SRGAP3: variants seen among roughly 807,000 people sequenced by gnomAD.
The protein encoded by SRGAP3 is SLIT-ROBO Rho GTPase activating protein 3, also known as SLIT-ROBO Rho GTPase-activating protein 3.
SRGAP3 carries 39 observed loss-of-function variants against 121.1 expected under a neutral mutation model. The ratio of observed to expected loss-of-function variants is 0.32; its 90% CI spans 0.25 to 0.42. The LOEUF is 0.42. Ranked by LOEUF, SRGAP3 falls within the 10% of genes least tolerant of loss-of-function variation. The pLI is 1.00. For synonymous variants in SRGAP3, 601 were observed against 570.0 expected, an observed-to-expected ratio of 1.05 and a Z score of -0.77; for missense variants, 1,213 against 1,470.6, an observed-to-expected ratio of 0.82 and a Z score of 2.86.
chr3:9,320,554 G>A (rs1955423068), intron 3 of SRGAP3, among the ~76,000 whole-genome samples: 1 of 151,920 alleles, frequency 6.6e-6, no homozygotes, highest in South Asian at 2.1e-4. Flanking sequence ...TTTCCGCCAT[G>A]ATTGGAAGCT....
chr3:8,988,593 G>C (rs1052756590), intron 21 of SRGAP3, among the ~76,000 whole-genome samples: 19 of 152,152 alleles, frequency 1.2e-4, no homozygotes. Flanking sequence ...AACGCTCCAT[G>C]AATAAAGGTC....
chr3:9,250,011 A>C (rs1169354743), upstream of SRGAP3, among the ~76,000 whole-genome samples: 2 of 152,266 alleles, frequency 1.3e-5, no homozygotes, highest in East Asian at 3.9e-4. Context: ...TGTAGGGAAA[A>C]GCATCAATAT....
chr3:9,051,832 C>G (rs548103718), intron 9 of SRGAP3, among the ~76,000 whole-genome samples: 10 of 151,558 alleles, frequency 6.6e-5, no homozygotes, highest in African/African-American at 2.4e-4. Flanking sequence ...CCTGCCTCAG[C>G]CTCCCAAGTA....
In SRGAP3 at chr3:8,985,285, GGAGCTCCAGCACTCCTCTGGTC is replaced by G; in HGVS notation, c.*212_*233del. 1.2e-6 allele frequency: 1 copy of G among 855,410 alleles called. No homozygotes were observed. Among genetic ancestry groups the G allele is most frequent in the Non-Finnish European group, 1.7e-6 (1 of 587,036 alleles). 53.0% of individuals were successfully genotyped at this position (855,410 alleles called of 1,614,324 possible). On this transcript the variant is annotated 3_prime_UTR_variant, in exon 22 of 22. Coordinates refer to ENST00000383836, the MANE Select transcript of SRGAP3 (RefSeq NM_014850.4). The surrounding 1 kb of genome is among the most constrained non-coding windows in gnomAD (Gnocchi z 5.1). The stretch of plus-strand genomic sequence containing the variant: ...AGGGAATGCTGTGGTTGGGGCTGCT[GGAGCTCCAGCACTCCTCTGGTC>G]GTCTGTTGACACGCGAGAGGTCCGT...
intron 1 of SRGAP3, among the ~76,000 whole-genome samples, chr3:9,350,472 C>A (rs1285032561): frequency 6.6e-6 from 1 of 152,202 alleles, no homozygotes; most frequent in Non-Finnish European, 1.5e-5. Context: ...CTTTGAGATG[C>A]TGGATGAAAT....
chr3:9,192,036 T>C (rs905050118), intron 1 of SRGAP3, among the ~76,000 whole-genome samples: 2 of 152,214 alleles, frequency 1.3e-5, no homozygotes, highest in Non-Finnish European at 2.9e-5. Context: ...GAATTAAATC[T>C]CTTTTCTTTA....
chr3:9,279,029 C>G (rs1269168837), intron 3 of SRGAP3, among the ~76,000 whole-genome samples: 1 of 152,070 alleles, frequency 6.6e-6, no homozygotes, highest in Non-Finnish European at 1.5e-5. Flanking sequence ...ATCCTAACTA[C>G]TTGGGAGGCT....
chr3:9,330,757 C>T (rs966433739), intron 1 of SRGAP3, among the ~76,000 whole-genome samples: 4 of 152,028 alleles, frequency 2.6e-5, no homozygotes, highest in Non-Finnish European at 5.9e-5. Flanking sequence ...GGTAAAGTGA[C>T]GTACAGGAAT....
chr3:9,058,123 T>C (rs1945920070), intron 7 of SRGAP3, 128 bp downstream of exon 7: 4 of 987,820 alleles, frequency 4.0e-6, no homozygotes, highest in Non-Finnish European at 6.3e-6. Context: ...GGGAAGCCCA[T>C]GAACCAGGAG....
chr3:9,170,940 G>A (rs1242712445), intron 1 of SRGAP3, among the ~76,000 whole-genome samples: 7 of 152,224 alleles, frequency 4.6e-5, no homozygotes, highest in Admixed American at 4.6e-4. Flanking sequence ...GCAGAGCAAG[G>A]CCATGGGATT....
At position 9,058,319 on chromosome 3, in the gene SRGAP3, T is replaced by A; in HGVS notation, c.955A>T (p.Met319Leu). The A allele has an allele frequency of 6.2e-7, 1 of 1,614,236 alleles. No homozygotes were observed. Among genetic ancestry groups the A allele is most frequent in the Non-Finnish European group, 8.5e-7 (1 of 1,180,026 alleles). The stretch of plus-strand genomic sequence containing the variant: ...CAGAAGACTTGATTGCACATGTCCA[T>A]GACTGTGTGCTTGTCACTTCGGGAA... ...LDSRSDKHTV[M>L]DMCNQVFCPP... The change falls in exon 7 of 22, where the codon ATG becomes TTG. Residue 319 changes from methionine (M) to leucine (L), a missense_variant. Met to Leu is a conservative substitution (Grantham distance 15, BLOSUM62 2). This residue lies in a region of SRGAP3 where 793 missense variants were observed against 1,032.9 expected (regional missense o/e 0.77). Transcript: ENST00000383836.
chr3:9,307,034 G>A (rs1034618662), intron 3 of SRGAP3, among the ~76,000 whole-genome samples: 1 of 152,136 alleles, frequency 6.6e-6, no homozygotes, highest in South Asian at 2.1e-4. Flanking sequence ...GTACAGTGGT[G>A]CAATCATGGC....
chr3:9,338,286 C>T (rs1256101812), intron 1 of SRGAP3, among the ~76,000 whole-genome samples: 1 of 152,052 alleles, frequency 6.6e-6, no homozygotes, highest in East Asian at 1.9e-4. Context: ...GTAGTAGAAA[C>T]CTCCACAGTT....
intron 1 of SRGAP3, among the ~76,000 whole-genome samples, chr3:9,347,982 C>A (rs971894624): frequency 6.6e-6 from 1 of 152,182 alleles, no homozygotes; most frequent in African/African-American, 2.4e-5. Context: ...GGTTACTCAC[C>A]AACAGGCACT....
At chr3:9,251,438 A>G (rs1954014367), upstream of SRGAP3, among the ~76,000 whole-genome samples, 1 of 152,170 alleles carries the variant, frequency 6.6e-6, no homozygotes, top group Admixed American at 6.5e-5. Context: ...TACCTGAGAA[A>G]GATGGGCACA....
intron 12 of SRGAP3, among the ~76,000 whole-genome samples, chr3:9,027,818 A>G (rs1944290831): frequency 6.6e-6 from 1 of 152,204 alleles, no homozygotes; most frequent in South Asian, 2.1e-4. Context: ...ATTCTTTTAA[A>G]CTTTCTTTAA....
intron 3 of SRGAP3, among the ~76,000 whole-genome samples, chr3:9,261,832 T>C (rs11715037): frequency 0.23 from 33,568 of 144,716 alleles, 4,736 homozygotes; most frequent in Admixed American, 0.31. Flanking sequence ...AACATTCAAA[T>C]TCAGGAAATA....
chr3:9,342,935 G>C (rs1212401194), intron 1 of SRGAP3, among the ~76,000 whole-genome samples: 1 of 152,198 alleles, frequency 6.6e-6, no homozygotes, highest in Admixed American at 6.5e-5. Flanking sequence ...TGTCCAACTG[G>C]TCATTCTTGC....
chr3:9,260,206 A>T (rs749644904), intron 3 of SRGAP3, among the ~76,000 whole-genome samples: 2 of 152,154 alleles, frequency 1.3e-5, no homozygotes, highest in Non-Finnish European at 2.9e-5. Flanking sequence ...CTGGGTTTCA[A>T]GCACAAAAAT....
Sources: gnomAD v4.1 joint callset for allele counts (sites outside exome capture counted in the v4.1 genomes callset) on GRCh38, gnomAD v4.1.1 for gene constraint, gnomAD v4.1.1 regional missense constraint, Gnocchi (gnomAD v3.1) non-coding constraint, MANE v1.5 for transcripts, NCBI Gene and HGNC (gene_info 2026-07-23, HGNC 2026-07-21) for gene names.